DOK6: variants seen among roughly 807,000 people sequenced by gnomAD.
DOK6 encodes docking protein 6.
Under a neutral mutation model 44.0 loss-of-function variants are expected in DOK6, and 22 were observed. The ratio of observed to expected loss-of-function variants is 0.50; its 90% CI spans 0.36 to 0.71. The LOEUF is 0.71. Among genes scored for constraint, DOK6 ranks in the 30% least tolerant of loss-of-function variants. The pLI is 0.00. For missense variants in DOK6, 340 were observed against 416.4 expected, an observed-to-expected ratio of 0.82 and a Z score of 1.60; for synonymous variants, 166 against 145.5, an observed-to-expected ratio of 1.14 and a Z score of -1.01.
intron 3 of DOK6, among the ~76,000 whole-genome samples, chr18:69,619,830 C>T (rs1293494760): frequency 6.6e-6 from 1 of 152,110 alleles, no homozygotes; most frequent in Non-Finnish European, 1.5e-5. Flanking sequence ...TAAACATACA[C>T]ACGCACACAT....
intron 5 of DOK6, among the ~76,000 whole-genome samples, chr18:69,719,705 A>G (rs1197681354): frequency 2.0e-5 from 3 of 152,232 alleles, no homozygotes; most frequent in African/African-American, 4.8e-5. Context: ...AAGTTAAACT[A>G]TAAACTAAAT....
At chr18:69,545,134 A>G (rs2144583885) in intron 1 of DOK6, among the ~76,000 whole-genome samples, 1 of 150,614 alleles carries the variant, frequency 6.6e-6, no homozygotes, top group East Asian at 2.0e-4. Context: ...AAAAAATTAC[A>G]ACCCATGATA....
At chr18:69,731,783 T>A (rs1421536754) in intron 5 of DOK6, among the ~76,000 whole-genome samples, 2 of 152,222 alleles carry the variant, frequency 1.3e-5, no homozygotes, top group African/African-American at 4.8e-5. Context: ...ACTGTCCCAA[T>A]CGTAACATGG....
intron 5 of DOK6, among the ~76,000 whole-genome samples, chr18:69,731,860 T>C (rs1978415941): frequency 6.6e-6 from 1 of 152,216 alleles, no homozygotes; most frequent in South Asian, 2.1e-4. Context: ...CTGCTTGTCT[T>C]CTTTTGTTAT....
At position 69,422,525 on chromosome 18, in the gene DOK6, C is replaced by T. The variant is rs532718342; in HGVS notation, c.66+21215C>T. Among the ~76,000 whole-genome samples the T allele has an allele frequency of 1.8e-4, 27 of 152,238 alleles. No individual in the cohort carries two copies. In the South Asian group the frequency reaches 3.3e-3, roughly 19 times the overall value. On this transcript the variant is annotated intron_variant, in intron 1 of 7. Coordinates refer to ENST00000382713, the MANE Select transcript of DOK6 (RefSeq NM_152721.6). The stretch of plus-strand genomic sequence containing the variant: ...TTTCTGTTAACACTGCCACTGTTTT[C>T]GAAGTTATTCAATATTAGACCTCAA...
chr18:69,749,383 T>C (rs910468142), intron 6 of DOK6, among the ~76,000 whole-genome samples: 32 of 152,284 alleles, frequency 2.1e-4, no homozygotes, highest in African/African-American at 7.5e-4. Context: ...CCATCTTCAA[T>C]CTTTCACAAA....
intron 4 of DOK6, among the ~76,000 whole-genome samples, chr18:69,691,171 G>A (rs549521058): frequency 1.0e-4 from 15 of 149,052 alleles, no homozygotes; most frequent in African/African-American, 2.5e-4. Flanking sequence ...CGACAAGAGC[G>A]AAACTCTGTC....
chr18:69,620,188 C>T (rs1984407946), intron 3 of DOK6, among the ~76,000 whole-genome samples: 2 of 152,078 alleles, frequency 1.3e-5, no homozygotes, highest in South Asian at 4.1e-4. Flanking sequence ...GATTACTATA[C>T]TCACATAGTA....
At chr18:69,646,882 A>G (rs9963298) in intron 3 of DOK6, among the ~76,000 whole-genome samples, 17,780 of 152,074 alleles carry the variant, frequency 0.12, 1,122 homozygotes, top group Admixed American at 0.18. Flanking sequence ...GTGTCTGGTC[A>G]ATATCTTGAT....
At chr18:69,779,494 G>A (rs992530364) in intron 7 of DOK6, among the ~76,000 whole-genome samples, 1 of 150,738 alleles carries the variant, frequency 6.6e-6, no homozygotes, top group African/African-American at 2.4e-5. Context: ...TATGTTTCTG[G>A]CAAGAAATGT....
chr18:69,505,922 A>T (rs1981174086), intron 1 of DOK6, among the ~76,000 whole-genome samples: 1 of 151,972 alleles, frequency 6.6e-6, no homozygotes, highest in Non-Finnish European at 1.5e-5. Context: ...TTCCTCAAAA[A>T]AAAAATGCTG....
intron 5 of DOK6, among the ~76,000 whole-genome samples, chr18:69,735,392 C>T (rs1978570519): frequency 6.6e-6 from 1 of 152,242 alleles, no homozygotes; most frequent in African/African-American, 2.4e-5. Context: ...CAGAAAAACA[C>T]ATTATGCTCA....
chr18:69,833,603 A>C (rs1191958220), intron 7 of DOK6, among the ~76,000 whole-genome samples: 1 of 152,148 alleles, frequency 6.6e-6, no homozygotes, highest in Non-Finnish European at 1.5e-5. Flanking sequence ...AAGGAAAAAA[A>C]GCTAACAAAT....
intron 7 of DOK6, among the ~76,000 whole-genome samples, chr18:69,767,830 C>T (rs540318341): frequency 1.6e-4 from 24 of 152,200 alleles, no homozygotes; most frequent in East Asian, 3.9e-4. Context: ...AATTAAAATC[C>T]GAAGAGGACT....
At chr18:69,414,908 T>C (rs959729116) in intron 1 of DOK6, among the ~76,000 whole-genome samples, 1 of 152,070 alleles carries the variant, frequency 6.6e-6, no homozygotes, top group African/African-American at 2.4e-5. Context: ...GGAAGTAGCG[T>C]AGAAAAATGG....
chr18:69,494,682 T>C (rs1290532127), intron 1 of DOK6, among the ~76,000 whole-genome samples: 5 of 152,224 alleles, frequency 3.3e-5, no homozygotes, highest in Non-Finnish European at 7.3e-5. Flanking sequence ...ATGACTTGGT[T>C]AAATATATTG....
intron 4 of DOK6, among the ~76,000 whole-genome samples, chr18:69,679,370 T>C (rs950444752): frequency 6.6e-6 from 1 of 152,194 alleles, no homozygotes; most frequent in Non-Finnish European, 1.5e-5. Context: ...AAAAAGTTTT[T>C]TTCTGCTCGT....
chr18:69,665,308 T>C (rs1238552383), intron 3 of DOK6, among the ~76,000 whole-genome samples: 1 of 152,208 alleles, frequency 6.6e-6, no homozygotes, highest in Non-Finnish European at 1.5e-5. Context: ...ATGTGACTCT[T>C]TATGAGCTAG....
At position 69,602,001 on chromosome 18, in the gene DOK6, A is replaced by G. The variant is rs567719045; in HGVS notation, c.289+2503A>G. ...AATATTTATGAGTCCATGCTTTAGCAATGCTTGATGAATAAATACATAGGA... is the reference window on the plus strand; with the variant it reads ...AATATTTATGAGTCCATGCTTTAGCGATGCTTGATGAATAAATACATAGGA... On this transcript the variant is annotated intron_variant, in intron 3 of 7. Coordinates refer to ENST00000382713, the MANE Select transcript of DOK6 (RefSeq NM_152721.6). Among the ~76,000 whole-genome samples the G allele has an allele frequency of 5.3e-5, 8 of 152,370 alleles. No individual in the cohort carries two copies. The South Asian group carries it at 1.7e-3, about 32-fold the overall frequency.
Sources: allele counts gnomAD v4.1 joint callset (sites outside exome capture counted in the v4.1 genomes callset), GRCh38; gene constraint gnomAD v4.1.1; transcripts MANE v1.5; gene names NCBI Gene and HGNC (gene_info 2026-07-23, HGNC 2026-07-21).